Variants in CEP152 observed in about 807,000 individuals in gnomAD.
CEP152 encodes the protein centrosomal protein 152.
CEP152 carries 132 observed loss-of-function variants against 188.9 expected under a neutral mutation model. That is an observed-to-expected ratio of 0.70 (90% CI 0.61 to 0.81). The LOEUF (loss-of-function observed/expected upper bound fraction) is 0.81, where lower values mean the gene tolerates loss of function less well. Ranked by LOEUF, CEP152 falls within the 30% of genes least tolerant of loss-of-function variation. The pLI is 0.00. For missense variants in CEP152, 1,914 were observed against 1,969.8 expected, an observed-to-expected ratio of 0.97 and a Z score of 0.54; for synonymous variants, 649 against 666.6, an observed-to-expected ratio of 0.97 and a Z score of 0.41.
At chr15:48,785,110 A>G (rs1441506018) in intron 9 of CEP152, among the ~76,000 whole-genome samples, 1 of 152,176 alleles carries the variant, frequency 6.6e-6, no homozygotes, top group African/African-American at 2.4e-5. Flanking sequence ...AAGTAGAGAA[A>G]AGGCCTTAGG....
At chr15:48,751,097 G>A (rs1893842308) in intron 21 of CEP152, among the ~76,000 whole-genome samples, 1 of 152,048 alleles carries the variant, frequency 6.6e-6, no homozygotes, top group African/African-American at 2.4e-5. Flanking sequence ...GGTACTCTCT[G>A]GTGGTAGGAT....
chr15:48,750,831 A>C (rs186469018), intron 21 of CEP152, among the ~76,000 whole-genome samples: 5 of 152,312 alleles, frequency 3.3e-5, no homozygotes, highest in Non-Finnish European at 5.9e-5. Flanking sequence ...TAAAACATTA[A>C]AAAAGACAGT....
downstream of CEP152, among the ~76,000 whole-genome samples, chr15:48,736,751 A>G (rs761485348): frequency 1.9e-4 from 29 of 152,344 alleles, no homozygotes; most frequent in Middle Eastern, 3.4e-3. Flanking sequence ...AGAAAGCAAG[A>G]GAACTTCCAA....
intron 10 of CEP152, among the ~76,000 whole-genome samples, chr15:48,783,605 G>A (rs1209970671): frequency 6.6e-6 from 1 of 151,860 alleles, no homozygotes; most frequent in Non-Finnish European, 1.5e-5. Context: ...CATTGTCTAT[G>A]TGTGTACATT....
intron 18 of CEP152, 73 bp from the exon 19 acceptor site, chr15:48,760,339 A>T: frequency 6.4e-7 from 1 of 1,558,568 alleles, no homozygotes; most frequent in Non-Finnish European, 8.8e-7. Flanking sequence ...TTAAACAGCA[A>T]TTATGATTTC....
rs375099751 is a variant in CEP152 at position 48,797,345 on chromosome 15, T to C, written c.496A>G (p.Thr166Ala). 6 of 1,614,068 alleles carry C rather than the reference T, an allele frequency of 3.7e-6. No homozygotes were observed. The highest frequency in any genetic ancestry group is 5.1e-6 in the Non-Finnish European group (6 of 1,179,974). ...GQKQEFNNQA[T>A]NVIKFSDPQW... ...GGATCTGAAAATTTAATTACATTGG[T>C]TGCTTGGTTATTAAATTCCTGCTTC... The change falls in exon 5 of 27, where the codon ACC becomes GCC. Residue 166 changes from threonine (T) to alanine (A), a missense_variant. Physicochemically the swap from Thr to Ala is moderately conservative, Grantham distance 58. Transcript: ENST00000380950.
chr15:48,770,073 G>A (rs1895414068), intron 13 of CEP152, among the ~76,000 whole-genome samples: 1 of 151,952 alleles, frequency 6.6e-6, no homozygotes, highest in Non-Finnish European at 1.5e-5. Flanking sequence ...ATTTAACTTT[G>A]CATATTTTCC....
chr15:48,767,576 G>T, intron 15 of CEP152, 113 bp from the exon 16 acceptor site: 1 of 1,416,996 alleles, frequency 7.1e-7, no homozygotes, highest in Non-Finnish European at 9.9e-7. Flanking sequence ...TATAATTGAG[G>T]TCAGATAACT....
chr15:48,767,285 G>A (rs1378325579), intron 16 of CEP152, 50 bp downstream of exon 16: 4 of 1,613,768 alleles, frequency 2.5e-6, no homozygotes, highest in African/African-American at 1.3e-5. Flanking sequence ...TATGGAATAG[G>A]GGAATGTAGT....
chr15:48,796,287 TATACACACACACACAC>T (rs1363253261), intron 5 of CEP152, 127 bp from the exon 6 acceptor site: 2 of 692,468 alleles, frequency 2.9e-6, no homozygotes, highest in Non-Finnish European at 2.5e-6. Flanking sequence ...TGTTTATATA[TATACACACACACACAC>T]ACACACACAC....
rs56051843 is a variant in CEP152 at position 48,755,275 on chromosome 15, G to A, written c.3345+628C>T. Among the ~76,000 whole-genome samples the A allele has an allele frequency of 8.5e-3, 1,288 of 152,082 alleles. 12 individuals are homozygous for A. The highest frequency in any genetic ancestry group is 0.019 in the African/African-American group (787 of 41,484). On this transcript the variant is annotated intron_variant, in intron 20 of 26. Transcript: ENST00000380950. ...CTTCAGAGTTTTATGCGAGTGAGTC[G>A]TATTTATTTGCTTGTTTCTATATCA...
In CEP152 at chr15:48,796,165, G is replaced by C. The variant is rs1305486396; in HGVS notation, c.541-5C>G. The C allele has an allele frequency of 1.2e-6, 2 of 1,613,114 alleles. No individual in the cohort carries two copies. The highest frequency in any genetic ancestry group is 4.5e-5 in the East Asian group (2 of 44,850). On this transcript the variant is annotated splice_region_variant and splice_polypyrimidine_tract_variant and intron_variant, in intron 5 of 26. Transcript: ENST00000380950. ...CAAACCTTGACAACTGGGACCCTGT[G>C]ATAACAAATGAAACTGACAATTAAG...
At chr15:48,795,929 G>T in intron 6 of CEP152, 81 bp downstream of exon 6, 1 of 1,263,468 alleles carries the variant, frequency 7.9e-7, no homozygotes, top group Non-Finnish European at 1.1e-6. Context: ...AATAATTCTT[G>T]AATGTGCTCA....
At chr15:48,740,888 G>T in intron 26 of CEP152, 1 of 274,884 alleles carries the variant, frequency 3.6e-6, no homozygotes, top group Non-Finnish European at 5.5e-6. Context: ...AAGAAATAAA[G>T]AGAGGATTAA....
intron 22 of CEP152, among the ~76,000 whole-genome samples, chr15:48,746,052 C>T (rs943043389): frequency 9.2e-5 from 14 of 152,054 alleles, no homozygotes; most frequent in Non-Finnish European, 1.6e-4. Flanking sequence ...TTAAACAACT[C>T]ACTCCCACCC....
At chr15:48,785,905 CAAA>C (rs757758217) in intron 9 of CEP152, among the ~76,000 whole-genome samples, 2 of 101,470 alleles carry the variant, frequency 2.0e-5, no homozygotes, top group Non-Finnish European at 2.2e-5. Context: ...GACTCCATCT[CAAA>C]AAAAAAAAAA....
At chr15:48,788,625 G>A (rs899241516) in intron 9 of CEP152, among the ~76,000 whole-genome samples, 176 bp downstream of exon 9, 4 of 151,870 alleles carry the variant, frequency 2.6e-5, no homozygotes, top group Admixed American at 1.3e-4. Flanking sequence ...GATTACAGGC[G>A]TGAGCCATTG....
chr15:48,756,782 C>A (rs1161853239), intron 19 of CEP152, among the ~76,000 whole-genome samples: 2 of 152,076 alleles, frequency 1.3e-5, no homozygotes, highest in Admixed American at 1.3e-4. Flanking sequence ...CATAAACACT[C>A]ACACATATAA....
At chr15:48,798,101 C>T (rs772042945) in intron 2 of CEP152, 50 bp from the exon 3 acceptor site, 1 of 1,482,996 alleles carries the variant, frequency 6.7e-7, no homozygotes, top group South Asian at 1.1e-5. Context: ...ACACAAGACA[C>T]CAAGCCAAAG....
Sources: gnomAD v4.1 joint callset for allele counts (sites outside exome capture counted in the v4.1 genomes callset) on GRCh38, gnomAD v4.1.1 for gene constraint, MANE v1.5 for transcripts, NCBI Gene and HGNC (gene_info 2026-07-23, HGNC 2026-07-21) for gene names.